The following KIF6 variants were observed in gnomAD, a reference collection of about 807,000 sequenced individuals.
The protein encoded by KIF6 is kinesin family member 6.
A neutral mutation model predicts 112.7 loss-of-function variants in KIF6; 106 were observed. The observed-to-expected ratio is 0.94, with a 90% CI of 0.80 to 1.11. The LOEUF is 1.11. Among genes scored for constraint, KIF6 ranks in the 50% least tolerant of loss-of-function variants. KIF6 has a pLI of 0.00. For missense variants in KIF6, 929 were observed against 964.0 expected (o/e 0.96, Z 0.48); for synonymous variants, 339 against 339.9 (o/e 1.00, Z 0.03).
At chr6:39,633,924 A>G (rs980380715) in intron 5 of KIF6, among the ~76,000 whole-genome samples, 2 of 152,212 alleles carry the variant, frequency 1.3e-5, no homozygotes, top group African/African-American at 4.8e-5. Context: ...ACATGACAAC[A>G]GATCCCATTA....
At chr6:39,449,503 T>C (rs1772548026) in intron 13 of KIF6, among the ~76,000 whole-genome samples, 1 of 152,248 alleles carries the variant, frequency 6.6e-6, no homozygotes, top group Non-Finnish European at 1.5e-5. Flanking sequence ...TTTATGATTA[T>C]CAACTCACTA....
intron 22 of KIF6, among the ~76,000 whole-genome samples, chr6:39,338,502 T>C (rs1051882482): frequency 1.3e-5 from 2 of 152,236 alleles, no homozygotes; most frequent in Non-Finnish European, 2.9e-5. Flanking sequence ...TCTGTCTGAA[T>C]TGAATTCTAG....
At chr6:39,355,861 T>C (rs982874248) in intron 19 of KIF6, among the ~76,000 whole-genome samples, 9 of 152,124 alleles carry the variant, frequency 5.9e-5, no homozygotes, top group Non-Finnish European at 1.2e-4. Flanking sequence ...CCATGTAGCC[T>C]GTACCCAGCT....
intron 15 of KIF6, among the ~76,000 whole-genome samples, chr6:39,415,056 T>C (rs1434936478): frequency 6.6e-6 from 1 of 151,808 alleles, no homozygotes; most frequent in Non-Finnish European, 1.5e-5. Context: ...GGTGTGGTGG[T>C]GGGCGCCTAT....
chr6:39,600,100 T>G (rs568917570), intron 6 of KIF6, among the ~76,000 whole-genome samples: 2 of 152,196 alleles, frequency 1.3e-5, no homozygotes, highest in Non-Finnish European at 2.9e-5. Context: ...TCTGTGTTTA[T>G]TTAAGGATGT....
chr6:39,443,114 AAATAATAATAATAATAATAATAAT>A (rs370011414), intron 13 of KIF6, among the ~76,000 whole-genome samples: 1 of 131,582 alleles, frequency 7.6e-6, no homozygotes, highest in Non-Finnish European at 1.6e-5. Flanking sequence ...ACTGCATCTC[AAATAATAATAATAATAATAATAAT>A]AATAATAATA....
Position 39,723,634 on chromosome 6 carries a change from T to C in KIF6, c.66+1611A>G, listed in dbSNP as rs137866859. Among the ~76,000 whole-genome samples the C allele has an allele frequency of 8.7e-3, 1,323 of 152,232 alleles. 19 individuals are homozygous for C. Among genetic ancestry groups the C allele is most frequent in the African/African-American group, 0.03 (1,262 of 41,520 alleles). On this transcript the variant is annotated intron_variant, in intron 1 of 22. Coordinates refer to ENST00000287152, the MANE Select transcript of KIF6 (RefSeq NM_145027.6). ...CTGGAAACCATCATTCTCAGCAAAC[T>C]AAAACAAGAACAGAAAGCCAAACAC...
intron 13 of KIF6, among the ~76,000 whole-genome samples, chr6:39,516,779 T>C (rs545714549): frequency 6.6e-6 from 1 of 152,212 alleles, no homozygotes; most frequent in Non-Finnish European, 1.5e-5. Context: ...ATAGTGGCTG[T>C]ACATGGCAAA....
Position 39,383,382 on chromosome 6 carries a change from G to A in KIF6, c.1861+2240C>T, listed in dbSNP as rs116497084. ...GAATCTAGTTTCATTCTCTGCAAAC[G>A]GTTAGTTTTCCCAGCACCATTTATT... is the stretch of plus-strand genomic sequence containing the variant. On this transcript the variant is annotated intron_variant, in intron 16 of 22. Transcript: ENST00000287152. Among the ~76,000 whole-genome samples the A allele has an allele frequency of 5.8e-3, 886 of 151,868 alleles. 9 individuals carry two copies. The highest frequency in any genetic ancestry group is 0.02 in the African/African-American group (837 of 41,490).
Position 39,342,594 on chromosome 6 carries a change from GTTTTTTATTTTTTTTTATTT to G in KIF6, c.2428+1095_2428+1114del, listed in dbSNP as rs67266170. On this transcript the variant is annotated intron_variant, in intron 22 of 22. Transcript: ENST00000287152. This position sits in a 1 kb window ranked among gnomAD's most constrained non-coding sequence, Gnocchi z 4.7. ...GGGGACTTGGAGATCACTGAATCCAGTTTTTTATTTTTTTTTATTTTTTTTTATTTTTTTTTATTTTTAGA... is the reference window on the plus strand; with the variant it reads ...GGGGACTTGGAGATCACTGAATCCAGTTTTTTATTTTTTTTTATTTTTAGA... Among the ~76,000 whole-genome samples the G allele has an allele frequency of 2.1e-3, 264 of 124,378 alleles. 6 individuals carry two copies. Among genetic ancestry groups the G allele is most frequent in the African/African-American group, 0.01 (236 of 22,876 alleles). The allele number at this position is 124,378 out of a possible 152,430, so 81.6% of individuals were successfully genotyped here.
chr6:39,520,547 C>T (rs554136758), intron 13 of KIF6, among the ~76,000 whole-genome samples: 18 of 152,298 alleles, frequency 1.2e-4, no homozygotes, highest in Non-Finnish European at 2.2e-4. Context: ...GCAGATTCAC[C>T]GAAGCACAGC....
intron 9 of KIF6, among the ~76,000 whole-genome samples, chr6:39,581,967 T>C (rs1403257308): frequency 6.6e-6 from 1 of 152,228 alleles, no homozygotes; most frequent in Non-Finnish European, 1.5e-5. Flanking sequence ...TTGAGTATTT[T>C]GAACATGTCA....
rs1363802588 is a variant in KIF6, at chr6:39,460,406, G to T, written c.1646-29245C>A. Reference sequence around the variant, plus strand: ...GGGGGAGGGGGGAGGGATAGCATTGGGAGATATACCTAATGCTAGATGACG... The same window carrying T: ...GGGGGAGGGGGGAGGGATAGCATTGTGAGATATACCTAATGCTAGATGACG... On this transcript the variant is annotated intron_variant, in intron 13 of 22. Transcript: ENST00000287152. Among the ~76,000 whole-genome samples the T allele has an allele frequency of 8.9e-5, 12 of 134,522 alleles. 1 individual carries two copies. The highest frequency in any genetic ancestry group is 3.2e-5 in the Non-Finnish European group (2 of 63,468). 88.3% of individuals were successfully genotyped at this position (134,522 alleles called of 152,430 possible).
chr6:39,507,670 T>C (rs558570148), intron 13 of KIF6, among the ~76,000 whole-genome samples: 13 of 137,774 alleles, frequency 9.4e-5, no homozygotes, highest in Non-Finnish European at 1.4e-4. Context: ...CTTCCTTCCT[T>C]CCTTCCTTCC....
chr6:39,385,206 C>A (rs1166355890), intron 16 of KIF6, among the ~76,000 whole-genome samples: 1 of 152,222 alleles, frequency 6.6e-6, no homozygotes, highest in Non-Finnish European at 1.5e-5. Flanking sequence ...AAGGAGACTG[C>A]ATATGAGGCT....
rs532603159 is a variant in KIF6 at position 39,333,724 on chromosome 6, C to T, written c.*2808G>A. On this transcript the variant is annotated 3_prime_UTR_variant, in exon 23 of 23. Transcript: ENST00000287152. The stretch of plus-strand genomic sequence containing the variant: ...TTCTAAAACTCCTTTTTAGCAAGAT[C>T]TGGGCAAGCTACATTTTAACTTCCC... The T allele has an allele frequency of 6.6e-6, 1 of 152,238 alleles. No individual in the cohort carries two copies. The highest frequency in any genetic ancestry group is 1.5e-5 in the Non-Finnish European group (1 of 68,038). The allele number at this position is 152,238 out of a possible 1,614,324, so 9.4% of individuals were successfully genotyped here. A position where few individuals can be genotyped will look rare whatever the true frequency, so the allele number is the denominator to read the frequency against.
intron 10 of KIF6, among the ~76,000 whole-genome samples, chr6:39,548,888 T>C (rs1294401881): frequency 6.6e-6 from 1 of 151,964 alleles, no homozygotes; most frequent in Non-Finnish European, 1.5e-5. Flanking sequence ...TATTCTCTAC[T>C]TACACTAGAA....
At chr6:39,642,153 GAA>G (rs1458652354) in intron 3 of KIF6, among the ~76,000 whole-genome samples, 1 of 152,052 alleles carries the variant, frequency 6.6e-6, no homozygotes, top group Non-Finnish European at 1.5e-5. Flanking sequence ...TAAAAATAAA[GAA>G]AGAGAAATAG....
rs1032631908 is a variant in KIF6 at position 39,720,443 on chromosome 6, G to A, written c.176+259C>T. Among the ~76,000 whole-genome samples the A allele has an allele frequency of 3.3e-5, 5 of 152,128 alleles. No homozygotes were observed. In the East Asian group the frequency reaches 9.6e-4, roughly 29 times the overall value. ...TGCTAAACAAGAGTGGGTTGAGTAG[G>A]AAAATACTAGATAAACAGAGCTAGT... On this transcript the variant is annotated intron_variant, in intron 2 of 22. Transcript: ENST00000287152.
Sources: allele counts gnomAD v4.1 joint callset (sites outside exome capture counted in the v4.1 genomes callset), GRCh38; gene constraint gnomAD v4.1.1; non-coding constraint Gnocchi (gnomAD v3.1); transcripts MANE v1.5; gene names NCBI Gene and HGNC (gene_info 2026-07-23, HGNC 2026-07-21).